The following AKAP13 variants were observed in gnomAD, a reference collection of about 807,000 sequenced individuals.
AKAP13 encodes the protein A-kinase anchoring protein 13, also known as A-kinase anchor protein 13.
A neutral mutation model predicts 264.5 loss-of-function variants in AKAP13; 80 were observed. That is an observed-to-expected ratio of 0.30 (90% confidence interval 0.25 to 0.36). The LOEUF (loss-of-function observed/expected upper bound fraction) is 0.36, where lower values mean the gene tolerates loss of function less well. Ranked by LOEUF, AKAP13 falls within the 10% of genes least tolerant of loss-of-function variation. AKAP13 has a pLI of 1.00. For missense variants in AKAP13, 3,712 were observed against 3,435.2 expected (o/e 1.08, Z -2.01); for synonymous variants, 1,380 against 1,250.2 (o/e 1.10, Z -2.19).
At chr15:85,489,068 C>T (rs1026927332) in intron 2 of AKAP13, among the ~76,000 whole-genome samples, 1 of 152,156 alleles carries the variant, frequency 6.6e-6, no homozygotes, top group Non-Finnish European at 1.5e-5. Context: ...AATACTTTAG[C>T]TAATATATGC....
chr15:85,417,507 G>C (rs1354759665), intron 1 of AKAP13, among the ~76,000 whole-genome samples: 2 of 152,188 alleles, frequency 1.3e-5, no homozygotes, highest in Non-Finnish European at 2.9e-5. Flanking sequence ...AAGTTAATCA[G>C]TATGATTAAT....
intron 17 of AKAP13, among the ~76,000 whole-genome samples, chr15:85,704,246 C>G (rs1467992852): frequency 3.3e-5 from 5 of 152,172 alleles, no homozygotes; most frequent in Non-Finnish European, 1.5e-5. Flanking sequence ...GCATATGACT[C>G]AGCTCCCAAA....
intron 14 of AKAP13, among the ~76,000 whole-genome samples, chr15:85,679,199 C>T (rs1049174039): frequency 6.6e-6 from 1 of 151,694 alleles, no homozygotes; most frequent in African/African-American, 2.4e-5. Context: ...AAGATCATGC[C>T]ATTGCACTCC....
At chr15:85,658,788 A>G (rs1032162348) in intron 12 of AKAP13, among the ~76,000 whole-genome samples, 198 bp downstream of exon 12, 11 of 152,100 alleles carry the variant, frequency 7.2e-5, no homozygotes, top group Non-Finnish European at 1.5e-4. Flanking sequence ...TTGAAGTTTT[A>G]TGCTATTTTA....
chr15:85,548,240 A>G (rs1436013995), intron 5 of AKAP13, among the ~76,000 whole-genome samples: 1 of 152,198 alleles, frequency 6.6e-6, no homozygotes, highest in Non-Finnish European at 1.5e-5. Context: ...GCCATTTGCA[A>G]ACTTTCCTTG....
At chr15:85,414,266 C>A (rs1162689489) in intron 1 of AKAP13, among the ~76,000 whole-genome samples, 1 of 151,984 alleles carries the variant, frequency 6.6e-6, no homozygotes, top group Non-Finnish European at 1.5e-5. Flanking sequence ...GTAAAGATTG[C>A]CTATTCATTT....
At chr15:85,414,718 T>A (rs2072152769) in intron 1 of AKAP13, among the ~76,000 whole-genome samples, 1 of 152,182 alleles carries the variant, frequency 6.6e-6, no homozygotes, top group South Asian at 2.1e-4. Context: ...GAATAGTTAA[T>A]TTGTTCTTGT....
In AKAP13 at chr15:85,579,295, A is replaced by T. The variant is rs778479525; in HGVS notation, c.1227A>T (p.Val409=). 1.9e-6 allele frequency: 3 copies of T among 1,614,220 alleles called. No homozygotes were observed. The highest frequency in any genetic ancestry group is 1.7e-6 in the Non-Finnish European group (2 of 1,180,030). The change falls in exon 7 of 37, where the codon GTA becomes GTT. Residue 409 remains valine, a synonymous_variant. Coordinates refer to ENST00000394518, the MANE Select transcript of AKAP13 (RefSeq NM_007200.5). ...TTCAGAGCTTGCCTGATTGTGGAGT[A>T]AAGGGCACGGAAGGCCTTTCGTCCT... ...SCLQSLPDCG[V]KGTEGLSSCG... is the part of the protein sequence containing the mutation.
intron 16 of AKAP13, among the ~76,000 whole-genome samples, chr15:85,692,328 A>C (rs2085331374): frequency 6.6e-6 from 1 of 152,202 alleles, no homozygotes; most frequent in Non-Finnish European, 1.5e-5. Flanking sequence ...CACTGTGCAA[A>C]ATGCTTTAGA....
At position 85,741,473 on chromosome 15, in the gene AKAP13, A is replaced by G; in HGVS notation, c.8036A>G (p.Gln2679Arg). ...RREAERLSQR[Q>R]TERDLCQVSH... The stretch of plus-strand genomic sequence containing the variant: ...GAGGCAGAGCGGCTCAGCCAGCGGC[A>G]GACAGAACGGGACCTGTGTCAGGTA... The change falls in exon 35 of 37, where the codon CAG becomes CGG. Residue 2679 changes from glutamine to arginine, a missense_variant. By Grantham distance (43) the Gln-to-Arg change is conservative. Transcript: ENST00000394518. 6.2e-7 allele frequency: 1 copy of G among 1,601,736 alleles called. No individual in the cohort carries two copies. The highest frequency in any genetic ancestry group is 8.5e-7 in the Non-Finnish European group (1 of 1,171,244).
intron 1 of AKAP13, among the ~76,000 whole-genome samples, chr15:85,422,294 T>G (rs1286204642): frequency 6.6e-6 from 1 of 152,068 alleles, no homozygotes; most frequent in African/African-American, 2.4e-5. Context: ...TGACCCAGTT[T>G]AGAGTGAGTT....
intron 8 of AKAP13, among the ~76,000 whole-genome samples, chr15:85,632,445 C>G (rs2081881270): frequency 6.6e-6 from 1 of 152,116 alleles, no homozygotes; most frequent in African/African-American, 2.4e-5. Context: ...CGGAAGGAAA[C>G]AGTATTTTTA....
chr15:85,620,217 T>C, intron 8 of AKAP13: 1 of 1,524,972 alleles, frequency 6.6e-7, no homozygotes, highest in African/African-American at 1.4e-5. Context: ...CTGCAGGCTG[T>C]TTTAGCGCTT....
chr15:85,691,500 T>G (rs925423929), intron 16 of AKAP13, among the ~76,000 whole-genome samples: 2 of 152,222 alleles, frequency 1.3e-5, no homozygotes, highest in African/African-American at 4.8e-5. Flanking sequence ...TCTTCATGAC[T>G]GTGTAAGCTT....
chr15:85,729,128 A>G (rs529402206), intron 29 of AKAP13, among the ~76,000 whole-genome samples: 331 of 152,124 alleles, frequency 2.2e-3, no homozygotes, highest in African/African-American at 7.0e-3. Context: ...GTGAAACCCC[A>G]TCTCTACTAA....
At chr15:85,737,130 G>T (rs1034185423) in intron 33 of AKAP13, among the ~76,000 whole-genome samples, 17 of 151,946 alleles carry the variant, frequency 1.1e-4, no homozygotes, top group African/African-American at 3.9e-4. Context: ...ATGTTGTCCG[G>T]GCTGATCTTG....
chr15:85,722,144 G>A (rs199979639), intron 24 of AKAP13, 28 bp downstream of exon 24: 141 of 1,612,886 alleles, frequency 8.7e-5, no homozygotes, highest in Non-Finnish European at 1.1e-4. Flanking sequence ...GAAAATCCCC[G>A]TTATTGTTGA....
At chr15:85,448,687 C>T (rs2073981395) in intron 1 of AKAP13, among the ~76,000 whole-genome samples, 1 of 151,896 alleles carries the variant, frequency 6.6e-6, no homozygotes, top group Non-Finnish European at 1.5e-5. Context: ...GATGTGTGAC[C>T]TTATTTCTGG....
At chr15:85,492,064 T>C (rs903953038) in intron 2 of AKAP13, among the ~76,000 whole-genome samples, 17 of 152,228 alleles carry the variant, frequency 1.1e-4, no homozygotes, top group East Asian at 5.8e-4. Context: ...CCAAGATGTC[T>C]TATTACAAAT....
Sources: allele counts gnomAD v4.1 joint callset (sites outside exome capture counted in the v4.1 genomes callset), GRCh38; gene constraint gnomAD v4.1.1; transcripts MANE v1.5; gene names NCBI Gene and HGNC (gene_info 2026-07-23, HGNC 2026-07-21).